Variants in RAI14 observed in about 807,000 individuals in gnomAD.
RAI14 encodes retinoic acid induced 14.
A neutral mutation model predicts 115.4 loss-of-function variants in RAI14; 45 were observed. That is an observed-to-expected ratio of 0.39 (90% CI 0.31 to 0.50). RAI14 has a LOEUF of 0.50. Among genes scored for constraint, RAI14 ranks in the 20% least tolerant of loss-of-function variants. The pLI is 0.85. For missense variants in RAI14, 939 were observed against 1,131.2 expected, an observed-to-expected ratio of 0.83 and a Z score of 2.44; for synonymous variants, 371 against 415.4, an observed-to-expected ratio of 0.89 and a Z score of 1.30.
chr5:34,684,115 T>C (rs1744614401), intron 1 of RAI14, among the ~76,000 whole-genome samples: 1 of 152,176 alleles, frequency 6.6e-6, no homozygotes. Flanking sequence ...AATATCTGTT[T>C]ATCGTTATTT....
intron 3 of RAI14, 119 bp from the exon 4 acceptor site, chr5:34,795,820 G>T: frequency 1.4e-6 from 1 of 697,300 alleles, no homozygotes. Flanking sequence ...GTGGGTGCTT[G>T]TAGAGCTCAA....
Position 34,694,405 on chromosome 5 carries a change from G to A in RAI14, c.36+7450G>A, listed in dbSNP as rs1235612110. ...TTATTTTCAACTATATGGCAATACA[G>A]GGGCCAGCGTTGGCCAAAGGCTCAG... On this transcript the variant is annotated intron_variant, in intron 2 of 17. Transcript: ENST00000265109. 2.6e-5 allele frequency among the ~76,000 whole-genome samples: 4 copies of A among 152,158 alleles called. No homozygotes were observed. In the East Asian group the frequency reaches 7.7e-4, roughly 29 times the overall value.
At chr5:34,764,931 T>C (rs1018925038) in intron 3 of RAI14, among the ~76,000 whole-genome samples, 14 of 152,136 alleles carry the variant, frequency 9.2e-5, no homozygotes, top group Non-Finnish European at 2.1e-4. Context: ...AGGGACCTGG[T>C]GGGAGATAAG....
intron 2 of RAI14, among the ~76,000 whole-genome samples, chr5:34,713,343 G>A (rs1741621794): frequency 6.6e-6 from 1 of 152,074 alleles, no homozygotes. Context: ...CTCACTAAAG[G>A]GAGGATCTCA....
intron 16 of RAI14, 62 bp from the exon 17 acceptor site, chr5:34,829,666 GTTTT>G: frequency 7.2e-7 from 1 of 1,386,284 alleles, no homozygotes; most frequent in Non-Finnish European, 1.0e-6. Context: ...CTTTCTCATA[GTTTT>G]TTGTTTTTGT....
At chr5:34,824,770 C>T (rs1420075227) in intron 15 of RAI14, among the ~76,000 whole-genome samples, 2 of 151,774 alleles carry the variant, frequency 1.3e-5, no homozygotes, top group African/African-American at 4.8e-5. Flanking sequence ...ATGGTGAAAC[C>T]ACGTCTCTAC....
intron 4 of RAI14, among the ~76,000 whole-genome samples, chr5:34,799,100 C>T (rs1459670283): frequency 6.6e-6 from 1 of 152,134 alleles, no homozygotes. Context: ...TAGAAAAACA[C>T]TTCTCATTTT....
At chr5:34,666,157 G>T (rs190909980) in intron 1 of RAI14, among the ~76,000 whole-genome samples, 1 of 152,266 alleles carries the variant, frequency 6.6e-6, no homozygotes, top group East Asian at 1.9e-4. Flanking sequence ...GGAAGGAATG[G>T]AGATGTCCCA....
chr5:34,723,413 C>CT (rs1165795869), intron 2 of RAI14, among the ~76,000 whole-genome samples: 3 of 152,052 alleles, frequency 2.0e-5, no homozygotes, highest in Non-Finnish European at 2.9e-5. Context: ...GACAGAATAC[C>CT]TTTTTTGTGT....
chr5:34,696,743 T>G (rs1445377384), intron 2 of RAI14, among the ~76,000 whole-genome samples: 1 of 152,206 alleles, frequency 6.6e-6, no homozygotes, highest in African/African-American at 2.4e-5. Context: ...AGTTAACTAT[T>G]GATGGCTGCT....
chr5:34,711,303 C>T (rs1741369362), intron 2 of RAI14, among the ~76,000 whole-genome samples: 1 of 151,970 alleles, frequency 6.6e-6, no homozygotes, highest in Non-Finnish European at 1.5e-5. Flanking sequence ...CAATGTTTTG[C>T]CGGCAGGGGG....
chr5:34,680,828 A>T (rs1744331239), intron 1 of RAI14, among the ~76,000 whole-genome samples: 1 of 151,914 alleles, frequency 6.6e-6, no homozygotes, highest in Admixed American at 6.6e-5. Context: ...ACACCTACTT[A>T]TAAGATGATT....
Position 34,720,393 on chromosome 5 carries a change from T to A in RAI14, c.36+33438T>A, listed in dbSNP as rs988002300. 5.4e-5 allele frequency among the ~76,000 whole-genome samples: 8 copies of A among 147,596 alleles called. No individual in the cohort carries two copies. In the East Asian group the frequency reaches 9.9e-4, roughly 18 times the overall value. ...GACTCTGAAAGTCATTCTATGACCC[T>A]GTCTCAGATTTTTTTTTTTTTTTTT... On this transcript the variant is annotated intron_variant, in intron 2 of 17. Transcript: ENST00000265109.
At chr5:34,660,469 C>A (rs1299983822) in intron 1 of RAI14, among the ~76,000 whole-genome samples, 4 of 152,164 alleles carry the variant, frequency 2.6e-5, no homozygotes, top group Non-Finnish European at 5.9e-5. Context: ...AGTGGCTCTT[C>A]ATTGTAAAAT....
chr5:34,817,272 CAAAAAA>C (rs34084798), intron 12 of RAI14, among the ~76,000 whole-genome samples: 14 of 97,160 alleles, frequency 1.4e-4, no homozygotes, highest in Admixed American at 3.6e-4. Flanking sequence ...CACTCCATCT[CAAAAAA>C]AAAAAAAAAA....
chr5:34,813,202 A>C (rs554226891), intron 10 of RAI14, among the ~76,000 whole-genome samples: 2 of 152,336 alleles, frequency 1.3e-5, no homozygotes, highest in South Asian at 4.1e-4. Context: ...GTCTTTAAAA[A>C]AAGGAATGGA....
intron 4 of RAI14, among the ~76,000 whole-genome samples, chr5:34,800,458 A>G (rs1754121379): frequency 6.6e-6 from 1 of 152,206 alleles, no homozygotes; most frequent in Non-Finnish European, 1.5e-5. Flanking sequence ...TCAGAGATGC[A>G]TTGTCTCATC....
intron 13 of RAI14, 28 bp downstream of exon 13, chr5:34,818,879 T>TC: frequency 6.3e-7 from 1 of 1,586,000 alleles, no homozygotes; most frequent in Non-Finnish European, 8.6e-7. Context: ...CTGTTTTTTT[T>TC]TTTCCTTCAA....
chr5:34,792,289 A>G (rs947666535), intron 3 of RAI14, among the ~76,000 whole-genome samples: 6 of 132,798 alleles, frequency 4.5e-5, no homozygotes, highest in Admixed American at 1.8e-4. Flanking sequence ...GCTGGAGTGC[A>G]GTGGTGCAAT....
Sources: gnomAD v4.1 joint callset for allele counts (sites outside exome capture counted in the v4.1 genomes callset) on GRCh38, gnomAD v4.1.1 for gene constraint, MANE v1.5 for transcripts, NCBI Gene and HGNC (gene_info 2026-07-23, HGNC 2026-07-21) for gene names.